ITSN2: variants seen among roughly 807,000 people sequenced by gnomAD.
ITSN2 encodes the protein intersectin-2.
A neutral mutation model predicts 243.7 loss-of-function variants in ITSN2; 156 were observed. The observed-to-expected ratio is 0.64, with a 90% confidence interval of 0.56 to 0.73. The LOEUF is 0.73. ITSN2 is among the 30% of genes least tolerant of loss of function. ITSN2 has a pLI of 0.00. For missense variants in ITSN2, 1,801 were observed against 1,996.1 expected, an observed-to-expected ratio of 0.90 and a Z score of 1.86; for synonymous variants, 703 against 699.9, an observed-to-expected ratio of 1.00 and a Z score of -0.07.
chr2:24,328,595 TG>T lies in ITSN2; in HGVS notation c.-33-481del, dbSNP rs1685425284. 2.6e-5 allele frequency among the ~76,000 whole-genome samples: 4 copies of T among 152,194 alleles called. No individual in the cohort carries two copies. The South Asian group carries it at 8.3e-4, about 32-fold the overall frequency. On this transcript the variant is annotated intron_variant, in intron 1 of 39. Coordinates refer to ENST00000355123, the MANE Select transcript of ITSN2 (RefSeq NM_006277.3). ...CTCATACCTTGGCCACCTGAGTAGCTGGGACTACAGGAATGCTCCACCACAC... is the reference window on the plus strand; with the variant it reads ...CTCATACCTTGGCCACCTGAGTAGCTGGACTACAGGAATGCTCCACCACAC...
chr2:24,330,312 A>C (rs141057521), intron 1 of ITSN2: 209 of 410,944 alleles, frequency 5.1e-4, no homozygotes, highest in Admixed American at 1.0e-3. Context: ...GTGAAGAAGA[A>C]GACGCGAGAA....
At position 24,261,189 on chromosome 2, in the gene ITSN2, G is replaced by T; in HGVS notation, c.2599C>A (p.Leu867Ile). The change falls in exon 22 of 40, where the codon CTA becomes ATA. Residue 867 changes from leucine (L) to isoleucine (I), a missense_variant. By Grantham distance (5) the Leu-to-Ile change is conservative. Transcript: ENST00000355123. ...TDYQNVSFSN[L>I]TVNTSWQKKS... ...TTCTGCCATGATGTATTTACAGTTAGGTTTGAAAAAGATACATTTTGATAA... is the reference window on the plus strand; with the variant it reads ...TTCTGCCATGATGTATTTACAGTTATGTTTGAAAAAGATACATTTTGATAA... 6.2e-7 allele frequency: 1 copy of T among 1,613,054 alleles called. No homozygotes were observed. Among genetic ancestry groups the T allele is most frequent in the East Asian group, 2.2e-5 (1 of 44,822 alleles).
intron 1 of ITSN2, 70 bp from the exon 2 acceptor site, chr2:24,328,185 G>T: frequency 9.2e-7 from 1 of 1,087,674 alleles, no homozygotes; most frequent in Non-Finnish European, 1.4e-6. Flanking sequence ...CACCCGCTAA[G>T]CAGTAGGAAT....
rs1470791936 is a variant in ITSN2 at position 24,203,922 on chromosome 2, G to GT, written c.4937-140dup. The GT allele has an allele frequency of 1.2e-5, 10 of 825,846 alleles. No individual in the cohort carries two copies. In the East Asian group the frequency reaches 2.6e-4, roughly 21 times the overall value. The allele number at this position is 825,846 out of a possible 1,614,324, so 51.2% of individuals were successfully genotyped here. ...TTTTGGCTCATGGCTGTTGAATGTC[G>GT]TGAGTGGGTGTGTGGGGAATGATGG... On this transcript the variant is annotated intron_variant, in intron 39 of 39. Transcript: ENST00000355123.
chr2:24,296,602 A>G (rs1680997315), intron 13 of ITSN2, among the ~76,000 whole-genome samples: 1 of 152,234 alleles, frequency 6.6e-6, no homozygotes, highest in East Asian at 1.9e-4. Flanking sequence ...TAAGGACACA[A>G]TGAAAGATGG....
chr2:24,304,120 A>T (rs1441988437), intron 8 of ITSN2, among the ~76,000 whole-genome samples: 1 of 152,214 alleles, frequency 6.6e-6, no homozygotes, highest in Non-Finnish European at 1.5e-5. Context: ...AATACACACA[A>T]GTGGCTAACG....
At chr2:24,342,951 C>T (rs898976956) in intron 1 of ITSN2, among the ~76,000 whole-genome samples, 1 of 151,664 alleles carries the variant, frequency 6.6e-6, no homozygotes, top group Admixed American at 6.6e-5. Context: ...ATCAGCCAGG[C>T]GAGGTGGCAT....
chr2:24,250,222 A>C (rs1409885916), intron 25 of ITSN2, among the ~76,000 whole-genome samples: 1 of 152,226 alleles, frequency 6.6e-6, no homozygotes, highest in Non-Finnish European at 1.5e-5. Context: ...CCACTCAACT[A>C]GGTTTTTCAT....
chr2:24,303,672 C>T (rs2151686440), intron 9 of ITSN2, 127 bp downstream of exon 9: 1 of 682,596 alleles, frequency 1.5e-6, no homozygotes, highest in East Asian at 2.7e-5. Context: ...CAAATGGCTG[C>T]TTTTATAGAG....
At chr2:24,274,040 T>C (rs1677707347) in intron 18 of ITSN2, among the ~76,000 whole-genome samples, 1 of 152,184 alleles carries the variant, frequency 6.6e-6, no homozygotes, top group Non-Finnish European at 1.5e-5. Flanking sequence ...ATATAACTAG[T>C]ATAATCTTTT....
chr2:24,351,567 C>T (rs1688023211), intron 1 of ITSN2, among the ~76,000 whole-genome samples: 1 of 152,164 alleles, frequency 6.6e-6, no homozygotes, highest in African/African-American at 2.4e-5. Context: ...TTTCAGTTAC[C>T]TGTGGTCAAC....
At chr2:24,314,779 A>G (rs914672900) in intron 3 of ITSN2, among the ~76,000 whole-genome samples, 1 of 152,218 alleles carries the variant, frequency 6.6e-6, no homozygotes, top group Non-Finnish European at 1.5e-5. Context: ...GAGGGCTAGC[A>G]TTAGGAAAAC....
chr2:24,333,497 T>C (rs1243455942), intron 1 of ITSN2, among the ~76,000 whole-genome samples: 2 of 152,234 alleles, frequency 1.3e-5, no homozygotes, highest in Non-Finnish European at 2.9e-5. Context: ...GGATGAAATG[T>C]AGTGACAGGC....
At chr2:24,297,072 A>G (rs1250372360) in intron 13 of ITSN2, among the ~76,000 whole-genome samples, 1 of 152,240 alleles carries the variant, frequency 6.6e-6, no homozygotes, top group Non-Finnish European at 1.5e-5. Context: ...AAGAGAGTTA[A>G]AAGTTTTTTA....
chr2:24,248,297 C>G (rs1280946918), intron 27 of ITSN2, among the ~76,000 whole-genome samples: 2 of 152,134 alleles, frequency 1.3e-5, no homozygotes, highest in African/African-American at 4.8e-5. Context: ...CTCCTAGAGG[C>G]TATACTGCAA....
At chr2:24,360,748 C>G, upstream of ITSN2, 1 of 152,864 alleles carries the variant, frequency 6.5e-6, no homozygotes, top group East Asian at 1.9e-4. Flanking sequence ...CCCCGAAGCC[C>G]CAGACCTGGC....
intron 29 of ITSN2, chr2:24,239,659 T>C (rs1453355864): frequency 2.6e-5 from 4 of 152,094 alleles, no homozygotes; most frequent in Admixed American, 6.6e-5. Flanking sequence ...AAATTCTATG[T>C]TTCTGATGAA....
At chr2:24,252,229 T>G (rs1467765991) in intron 25 of ITSN2, 116 bp downstream of exon 25, 4 of 767,064 alleles carry the variant, frequency 5.2e-6, no homozygotes, top group African/African-American at 1.8e-5. Flanking sequence ...ACCATAAACA[T>G]GATCTCTAAG....
Position 24,203,355 on chromosome 2 carries a change from C to G in ITSN2, c.*271G>C. ...TTTCCAAGTAATACTTTTTATAGCCCTGAAAATGGAAACCTTGGCATCTAA... is the reference window on the plus strand; with the variant it reads ...TTTCCAAGTAATACTTTTTATAGCCGTGAAAATGGAAACCTTGGCATCTAA... On this transcript the variant is annotated 3_prime_UTR_variant, in exon 40 of 40. Transcript: ENST00000355123. 1 of 316,366 alleles carries G rather than the reference C, an allele frequency of 3.2e-6. No individual in the cohort carries two copies. 19.6% of individuals were successfully genotyped at this position (316,366 alleles called of 1,614,324 possible).
Sources: allele counts gnomAD v4.1 joint callset (sites outside exome capture counted in the v4.1 genomes callset), GRCh38; gene constraint gnomAD v4.1.1; transcripts MANE v1.5; gene names NCBI Gene and HGNC (gene_info 2026-07-23, HGNC 2026-07-21).